YWHAB: variants seen among roughly 807,000 people sequenced by gnomAD.
YWHAB encodes the protein 14-3-3 protein beta/alpha.
YWHAB carries 2 observed loss-of-function variants against 28.5 expected under a neutral mutation model. The ratio of observed to expected loss-of-function variants is 0.07; its 90% CI spans 0.03 to 0.22. The LOEUF (loss-of-function observed/expected upper bound fraction) is 0.22. YWHAB is among the 10% of genes least tolerant of loss of function. YWHAB has a pLI of 1.00. For missense variants in YWHAB, 148 were observed against 297.1 expected (o/e 0.50, Z 3.69); for synonymous variants, 103 against 104.7 (o/e 0.98, Z 0.10).
At chr20:44,891,833 G>T (rs528981084) in intron 1 of YWHAB, among the ~76,000 whole-genome samples, 3 of 152,316 alleles carry the variant, frequency 2.0e-5, no homozygotes, top group East Asian at 1.9e-4. Flanking sequence ...TTGTATTACA[G>T]ATATGCTGTG....
intron 1 of YWHAB, among the ~76,000 whole-genome samples, chr20:44,898,224 C>T (rs553010729): frequency 6.6e-6 from 1 of 152,326 alleles, no homozygotes; most frequent in African/African-American, 2.4e-5. Context: ...TCAGATGGAT[C>T]AAAGTGAGAC....
At chr20:44,893,254 A>G (rs920595715) in intron 1 of YWHAB, among the ~76,000 whole-genome samples, 5 of 152,152 alleles carry the variant, frequency 3.3e-5, no homozygotes, top group Non-Finnish European at 4.4e-5. Context: ...TAGATCCTCT[A>G]TTTTCAGCAT....
chr20:44,906,111 CACAGGGTTTAT>C lies in YWHAB; in HGVS notation c.684+17_684+27del. 6.3e-7 allele frequency: 1 copy of C among 1,590,010 alleles called. No individual in the cohort carries two copies. Among genetic ancestry groups the C allele is most frequent in the South Asian group, 1.1e-5 (1 of 90,434 alleles). ...ACAATCTCACTGTAAGTACTACTTCCACAGGGTTTATAGTCTCTTTCCTATTCACCTACTTA... is the reference window on the plus strand; with the variant it reads ...ACAATCTCACTGTAAGTACTACTTCCAGTCTCTTTCCTATTCACCTACTTA... On this transcript the variant is annotated intron_variant, in intron 5 of 5. Transcript: ENST00000353703.
chr20:44,891,776 C>G (rs1168859356), intron 1 of YWHAB, among the ~76,000 whole-genome samples: 3 of 152,194 alleles, frequency 2.0e-5, no homozygotes, highest in Non-Finnish European at 2.9e-5. Context: ...AATAGAAATG[C>G]AGTTTCTCTC....
At chr20:44,901,401 T>TG (rs1450870155) in intron 1 of YWHAB, 130 bp from the exon 2 acceptor site, 1 of 933,996 alleles carries the variant, frequency 1.1e-6, no homozygotes, top group Non-Finnish European at 1.6e-6. Flanking sequence ...ATATTGTTGA[T>TG]GGCATTTGGA....
chr20:44,892,959 C>T lies in YWHAB; in HGVS notation c.-4+7073C>T, dbSNP rs555553774. Among the ~76,000 whole-genome samples the T allele has an allele frequency of 3.3e-4, 50 of 152,230 alleles. 1 individual carries two copies. The highest frequency in any genetic ancestry group is 1.1e-3 in the African/African-American group (44 of 41,540). The stretch of plus-strand genomic sequence containing the variant: ...TATTAAATTCAAAGCTTATTATTTT[C>T]GAATCGAGCATGTTCTTTGCCTTGA... On this transcript the variant is annotated intron_variant, in intron 1 of 5. Transcript: ENST00000353703.
intron 1 of YWHAB, among the ~76,000 whole-genome samples, chr20:44,900,572 A>G (rs1331059950): frequency 6.6e-6 from 1 of 152,182 alleles, no homozygotes; most frequent in East Asian, 1.9e-4. Context: ...ATCATTTAAA[A>G]TCATATCTTT....
At chr20:44,898,571 C>T (rs1046939878) in intron 1 of YWHAB, among the ~76,000 whole-genome samples, 10 of 151,426 alleles carry the variant, frequency 6.6e-5, no homozygotes, top group Non-Finnish European at 1.5e-5. Flanking sequence ...TGCAGTGGCG[C>T]GATCTCTGCT....
chr20:44,906,504 TAAAA>T lies in YWHAB; in HGVS notation c.*86_*89del, dbSNP rs775632748. 5,027 of 355,194 alleles carry T rather than the reference TAAAA, an allele frequency of 0.014. 52 individuals carry two copies. The highest frequency in any genetic ancestry group is 0.13 in the Admixed American group (1,603 of 12,628). The allele number at this position is 355,194 out of a possible 1,614,324, so 22.0% of individuals were successfully genotyped here. On this transcript the variant is annotated 3_prime_UTR_variant, in exon 6 of 6. Coordinates refer to ENST00000353703, the MANE Select transcript of YWHAB (RefSeq NM_139323.4). ...CCCTCAACATATATCCCTTGTGCGA[TAAAA>T]AAAAAAAAAAAAAAAAAAAGAGAAT...
At chr20:44,896,124 C>G (rs574968916) in intron 1 of YWHAB, among the ~76,000 whole-genome samples, 1 of 152,338 alleles carries the variant, frequency 6.6e-6, no homozygotes, top group African/African-American at 2.4e-5. Context: ...TTCATTAGAG[C>G]AATGCCGTCC....
At chr20:44,889,678 G>T (rs1282751116) in intron 1 of YWHAB, among the ~76,000 whole-genome samples, 1 of 152,008 alleles carries the variant, frequency 6.6e-6, no homozygotes, top group Non-Finnish European at 1.5e-5. Context: ...TTTAAAATTT[G>T]TTTGACATTT....
intron 1 of YWHAB, chr20:44,887,608 A>C (rs1394206572): frequency 6.6e-6 from 1 of 152,188 alleles, no homozygotes; most frequent in Non-Finnish European, 1.5e-5. Flanking sequence ...AGCCTCTATA[A>C]AACCAGGCTG....
chr20:44,893,414 A>AC (rs1422560336), intron 1 of YWHAB, among the ~76,000 whole-genome samples: 1 of 151,962 alleles, frequency 6.6e-6, no homozygotes, highest in African/African-American at 2.4e-5. Flanking sequence ...ATAGTACCCA[A>AC]TTTTTAAAAA....
chr20:44,893,204 C>G (rs1396050011), intron 1 of YWHAB, among the ~76,000 whole-genome samples: 2 of 151,972 alleles, frequency 1.3e-5, no homozygotes, highest in South Asian at 2.1e-4. Flanking sequence ...AAAGATGTCC[C>G]TTGGGGAAGG....
At chr20:44,903,830 T>G (rs1210147532) in intron 2 of YWHAB, 163 bp from the exon 3 acceptor site, 3 of 716,250 alleles carry the variant, frequency 4.2e-6, no homozygotes, top group Non-Finnish European at 6.5e-6. Context: ...GCATCTGCTG[T>G]TATGACCTGG....
intron 3 of YWHAB, among the ~76,000 whole-genome samples, 165 bp downstream of exon 3, chr20:44,904,281 T>C (rs956607627): frequency 6.6e-6 from 1 of 151,830 alleles, no homozygotes; most frequent in African/African-American, 2.4e-5. Flanking sequence ...GGCGGGCAAA[T>C]AAAAATTTAT....
intron 5 of YWHAB, 89 bp from the exon 6 acceptor site, chr20:44,906,293 G>A (rs2425675): frequency 0.28 from 382,161 of 1,377,784 alleles, 54,630 homozygotes; most frequent in Admixed American, 0.34. Context: ...ATTTTAAACT[G>A]TCGAGTGAGA....
At chr20:44,892,411 A>G (rs1355649866) in intron 1 of YWHAB, among the ~76,000 whole-genome samples, 18 of 150,514 alleles carry the variant, frequency 1.2e-4, no homozygotes, top group Admixed American at 1.2e-3. Flanking sequence ...TAACCCTTAA[A>G]CGTGTGCTGT....
At position 44,908,133 on chromosome 20, in the gene YWHAB, T is replaced by G. The variant is rs2066669442; in HGVS notation, c.*1695T>G. 1 of 151,116 alleles carries G rather than the reference T, an allele frequency of 6.6e-6. No individual in the cohort carries two copies. The highest frequency in any genetic ancestry group is 1.5e-5 in the Non-Finnish European group (1 of 67,826). 9.4% of individuals were successfully genotyped at this position (151,116 alleles called of 1,614,324 possible). A position where few individuals can be genotyped will look rare whatever the true frequency, so the allele number is the denominator to read the frequency against. ...TCTGCTGAAATGAGAAAAGAAAAAT[T>G]TATGCACTGATTTAAAACAAACCAA... On this transcript the variant is annotated 3_prime_UTR_variant, in exon 6 of 6. Transcript: ENST00000353703.
Sources: allele counts gnomAD v4.1 joint callset (sites outside exome capture counted in the v4.1 genomes callset), GRCh38; gene constraint gnomAD v4.1.1; transcripts MANE v1.5; gene names NCBI Gene and HGNC (gene_info 2026-07-23, HGNC 2026-07-21).